Variants in DPP6 observed in about 807,000 individuals in gnomAD.
The protein encoded by DPP6 is A-type potassium channel modulatory protein DPP6.
DPP6 carries 69 observed loss-of-function variants against 122.6 expected under a neutral mutation model. That is an observed-to-expected ratio of 0.56 (90% CI 0.46 to 0.69). The LOEUF is 0.69. Ranked by LOEUF, DPP6 falls within the 30% of genes least tolerant of loss-of-function variation. The pLI, the probability that DPP6 is intolerant of heterozygous loss-of-function variation, is 0.00. For synonymous variants in DPP6, 418 were observed against 433.1 expected, an observed-to-expected ratio of 0.97 and a Z score of 0.43; for missense variants, 928 against 1,116.9, an observed-to-expected ratio of 0.83 and a Z score of 2.41.
chr7:154,441,218 G>C (rs1819345162), intron 1 of DPP6, among the ~76,000 whole-genome samples: 1 of 152,280 alleles, frequency 6.6e-6, no homozygotes, highest in Admixed American at 6.5e-5. Context: ...GCAACAAGAA[G>C]TTGGAGGATC....
intron 7 of DPP6, among the ~76,000 whole-genome samples, chr7:154,716,206 A>G (rs1841473759): frequency 6.6e-6 from 1 of 152,096 alleles, no homozygotes; most frequent in South Asian, 2.1e-4. Flanking sequence ...TGGCTCTTCT[A>G]TGACTTTGCT....
At chr7:154,205,915 A>T (rs1335850583) in intron 1 of DPP6, among the ~76,000 whole-genome samples, 1 of 152,200 alleles carries the variant, frequency 6.6e-6, no homozygotes, top group Admixed American at 6.5e-5. Context: ...CTGTGTGTGC[A>T]GGAGCAGGCA....
rs59605527 is a variant in DPP6 at position 153,918,566 on chromosome 7, GTCTCTCTCTCTCTCTCTCTCTCTC to G, written c.51+30862_51+30885del. ...ACACACACACACACACACACACACAGTCTCTCTCTCTCTCTCTCTCTCTCTCTCTCTCTCTCTCTCTCTCTCTCT... is the reference window on the plus strand; with the variant it reads ...ACACACACACACACACACACACACAGTCTCTCTCTCTCTCTCTCTCTCTCT... On this transcript the variant is annotated intron_variant, in intron 1 of 25. Coordinates refer to the DPP6 transcript ENST00000404039. Among the ~76,000 whole-genome samples the G allele has an allele frequency of 5.1e-3, 530 of 104,420 alleles. 11 individuals carry two copies. Among genetic ancestry groups the G allele is most frequent in the East Asian group, 0.013 (45 of 3,384 alleles). The allele number at this position is 104,420 out of a possible 152,430, so 68.5% of individuals were successfully genotyped here.
At chr7:154,779,115 T>C (rs115458378) in intron 10 of DPP6, among the ~76,000 whole-genome samples, 36 of 398 alleles carry the variant, frequency 0.09, no homozygotes, top group South Asian at 0.17. Context: ...ACCCCCACCA[T>C]CACCACCACT....
intron 3 of DPP6, among the ~76,000 whole-genome samples, chr7:154,528,189 T>A (rs983189883): frequency 1.3e-5 from 2 of 152,198 alleles, no homozygotes; most frequent in African/African-American, 4.8e-5. Flanking sequence ...AGCTTTCCTT[T>A]TGGAAATTTT....
Position 154,811,616 on chromosome 7 carries a change from C to T in DPP6, c.1666+4504C>T, listed in dbSNP as rs575545216. Among the ~76,000 whole-genome samples, 3 of 152,266 alleles carry T rather than the reference C, an allele frequency of 2.0e-5. No individual in the cohort carries two copies. The South Asian group carries it at 6.2e-4, about 32-fold the overall frequency. ...TAAGATTATGCAATGGAATCTTTTGCAGCATGTGAATCAGGATCAAGTGAA... is the reference window on the plus strand; with the variant it reads ...TAAGATTATGCAATGGAATCTTTTGTAGCATGTGAATCAGGATCAAGTGAA... On this transcript the variant is annotated intron_variant, in intron 16 of 25. Transcript: ENST00000377770.
the DPP6 span, among the ~76,000 whole-genome samples, chr7:153,808,307 A>G: frequency 0.038 from 5,270 of 137,632 alleles, 118 homozygotes; most frequent in South Asian, 0.12. Context: ...GTCTGCGCAC[A>G]TGTGTGCCTG....
At chr7:153,826,939 T>C in the DPP6 span, among the ~76,000 whole-genome samples, 1 of 152,124 alleles carries the variant, frequency 6.6e-6, no homozygotes, top group African/African-American at 2.4e-5. Context: ...ATGTAACTCA[T>C]TTATTCAAAT....
intron 3 of DPP6, chr7:154,475,483 G>C (rs908325087): frequency 2.3e-5 from 5 of 215,864 alleles, no homozygotes; most frequent in Admixed American, 5.4e-5. Context: ...AGTTCTTGTA[G>C]AATAGCTTCC....
intron 1 of DPP6, among the ~76,000 whole-genome samples, chr7:154,079,708 T>C (rs928578605): frequency 6.6e-6 from 1 of 152,048 alleles, no homozygotes; most frequent in African/African-American, 2.4e-5. Flanking sequence ...CAGGTGACCG[T>C]GGAAGACTGC....
At chr7:154,749,725 G>T (rs1587016349) in intron 8 of DPP6, among the ~76,000 whole-genome samples, 2 of 39,580 alleles carry the variant, frequency 5.1e-5, no homozygotes, top group African/African-American at 1.8e-4. Flanking sequence ...ACTGAGCGAG[G>T]GTGAGAGAGC....
chr7:154,419,232 G>A (rs773896930), intron 1 of DPP6, among the ~76,000 whole-genome samples: 8 of 152,168 alleles, frequency 5.3e-5, no homozygotes, highest in Non-Finnish European at 1.2e-4. Flanking sequence ...CACGCTGGAA[G>A]GTTACCTTCT....
chr7:154,466,995 G>A (rs1442398711), intron 2 of DPP6, among the ~76,000 whole-genome samples: 1 of 152,204 alleles, frequency 6.6e-6, no homozygotes, highest in Non-Finnish European at 1.5e-5. Context: ...CTGTACTGTG[G>A]CTCTGAGAAA....
rs149348840 is a variant in DPP6 at position 154,493,059 on chromosome 7, C to T, written c.457+18022C>T. Among the ~76,000 whole-genome samples, 813 of 152,254 alleles carry T rather than the reference C, an allele frequency of 5.3e-3. 11 individuals carry two copies. Among genetic ancestry groups the T allele is most frequent in the African/African-American group, 0.018 (752 of 41,548 alleles). On this transcript the variant is annotated intron_variant, in intron 3 of 25. Coordinates refer to ENST00000377770, the MANE Select transcript of DPP6 (RefSeq NM_130797.4). ...TTAGAAGATCGTGCTTCTTATATAA[C>T]TAGGACTAATGAAAGCAGCCTGGAA...
chr7:154,602,489 C>G (rs1426859735), intron 5 of DPP6, among the ~76,000 whole-genome samples: 1 of 120,924 alleles, frequency 8.3e-6, no homozygotes, highest in Non-Finnish European at 1.9e-5. Flanking sequence ...ACGATCTTGT[C>G]TCACTGCAAC....
At chr7:153,926,015 T>C (rs1800881999) in intron 1 of DPP6, among the ~76,000 whole-genome samples, 1 of 152,152 alleles carries the variant, frequency 6.6e-6, no homozygotes, top group Non-Finnish European at 1.5e-5. Context: ...TCAGGGACAC[T>C]CCTCACACCC....
chr7:154,451,401 G>A (rs942536154), intron 2 of DPP6, among the ~76,000 whole-genome samples: 8 of 149,348 alleles, frequency 5.4e-5, no homozygotes, highest in Non-Finnish European at 1.0e-4. Flanking sequence ...ATGGCTGCCC[G>A]GAGCTTCTTA....
intron 1 of DPP6, among the ~76,000 whole-genome samples, chr7:154,368,399 G>A (rs1275423072): frequency 6.6e-6 from 1 of 152,154 alleles, no homozygotes; most frequent in Non-Finnish European, 1.5e-5. Context: ...CAAGCCCACC[G>A]AATCATTATC....
chr7:154,783,463 G>A lies in DPP6; in HGVS notation c.1136+10521G>A, dbSNP rs117179162. On this transcript the variant is annotated intron_variant, in intron 10 of 25. Transcript: ENST00000377770. ...CCAACAGGTTTACAGGGAGCAGCGCGGGTCAGTGGCGTGTGGCATTATTGC... is the reference window on the plus strand; with the variant it reads ...CCAACAGGTTTACAGGGAGCAGCGCAGGTCAGTGGCGTGTGGCATTATTGC... Among the ~76,000 whole-genome samples, 410 of 152,268 alleles carry A rather than the reference G, an allele frequency of 2.7e-3. 2 individuals are homozygous for A. Among genetic ancestry groups the A allele is most frequent in the Non-Finnish European group, 4.9e-3 (331 of 68,018 alleles).
Sources: allele counts gnomAD v4.1 joint callset (sites outside exome capture counted in the v4.1 genomes callset), GRCh38; gene constraint gnomAD v4.1.1; transcripts MANE v1.5; gene names NCBI Gene and HGNC (gene_info 2026-07-23, HGNC 2026-07-21).